Variants in BMPR1B observed in about 807,000 individuals in gnomAD.
The protein encoded by BMPR1B is bone morphogenetic protein receptor type 1B.
Under a neutral mutation model 59.1 loss-of-function variants are expected in BMPR1B, and 12 were observed. The observed-to-expected ratio is 0.20, with a 90% CI of 0.13 to 0.33. The LOEUF is 0.33. BMPR1B is among the 10% of genes least tolerant of loss of function. The probability of loss-of-function intolerance (pLI) is 1.00; values close to 1 mark genes in which losing one functional copy is unlikely to be tolerated. For missense variants in BMPR1B, 550 were observed against 610.9 expected (o/e 0.90, Z 1.05); for synonymous variants, 237 against 207.3 (o/e 1.14, Z -1.23).
intron 11 of BMPR1B, among the ~76,000 whole-genome samples, 153 bp from the exon 12 acceptor site, chr4:95,152,490 G>A (rs1472828127): frequency 6.6e-6 from 1 of 151,872 alleles, no homozygotes; most frequent in South Asian, 2.1e-4. Flanking sequence ...GTACCATTTG[G>A]GTAAATATTT....
chr4:95,070,317 A>G (rs1213977806), intron 3 of BMPR1B, among the ~76,000 whole-genome samples: 3 of 152,102 alleles, frequency 2.0e-5, no homozygotes, highest in African/African-American at 7.2e-5. Context: ...GAAGATTAAA[A>G]TGATTGAGTT....
intron 2 of BMPR1B, among the ~76,000 whole-genome samples, chr4:94,970,879 A>G (rs1382224030): frequency 6.6e-6 from 1 of 152,006 alleles, no homozygotes; most frequent in South Asian, 2.1e-4. Flanking sequence ...TATTTTTTTT[A>G]TAGCCCTTTA....
intron 1 of BMPR1B, among the ~76,000 whole-genome samples, chr4:94,863,373 T>C (rs1726077913): frequency 6.6e-6 from 1 of 152,212 alleles, no homozygotes; most frequent in African/African-American, 2.4e-5. Context: ...ATAGTGCTTC[T>C]GGCCATTTCA....
intron 2 of BMPR1B, among the ~76,000 whole-genome samples, chr4:94,955,892 G>A (rs1730124658): frequency 6.6e-6 from 1 of 152,100 alleles, no homozygotes; most frequent in African/African-American, 2.4e-5. Flanking sequence ...GCCTCCCAAA[G>A]TGCTGGGATT....
At chr4:94,920,131 AAAAG>A (rs1728634146) in intron 2 of BMPR1B, among the ~76,000 whole-genome samples, 1 of 152,198 alleles carries the variant, frequency 6.6e-6, no homozygotes, top group South Asian at 2.1e-4. Context: ...TATTGAATAA[AAAAG>A]AAAAGGGATG....
At chr4:95,080,157 TACTC>T (rs761664047) in intron 3 of BMPR1B, among the ~76,000 whole-genome samples, 2 of 152,258 alleles carry the variant, frequency 1.3e-5, no homozygotes, top group Admixed American at 6.5e-5. Context: ...TCATCTCTTA[TACTC>T]ACTCCGTTCT....
At chr4:95,043,712 G>A (rs967045964) in intron 3 of BMPR1B, among the ~76,000 whole-genome samples, 4 of 150,496 alleles carry the variant, frequency 2.7e-5, no homozygotes, top group Admixed American at 6.6e-5. Flanking sequence ...AGTATGGAGT[G>A]TTGCAATATT....
intron 1 of BMPR1B, among the ~76,000 whole-genome samples, chr4:94,810,727 G>A (rs746219884): frequency 6.6e-6 from 1 of 152,202 alleles, no homozygotes; most frequent in Non-Finnish European, 1.5e-5. Context: ...TGAAGCCAGA[G>A]AAGAAATAAG....
intron 2 of BMPR1B, among the ~76,000 whole-genome samples, chr4:94,951,066 G>A (rs921985700): frequency 3.3e-5 from 5 of 152,106 alleles, no homozygotes; most frequent in African/African-American, 1.2e-4. Context: ...GTTTGCCCAT[G>A]ATTTGGCTCT....
Position 95,071,715 on chromosome 4 carries a change from C to A in BMPR1B, c.-17-32693C>A, listed in dbSNP as rs577432858. ...TATTGCTGACAATGAAATTACAGTT[C>A]TTGCTTTCTTGAATGGAAGAAATCA... On this transcript the variant is annotated intron_variant, in intron 3 of 12. Coordinates refer to ENST00000515059, the MANE Select transcript of BMPR1B (RefSeq NM_001203.3). Among the ~76,000 whole-genome samples, 7 of 143,546 alleles carry A rather than the reference C, an allele frequency of 4.9e-5. No individual in the cohort carries two copies. The South Asian group carries it at 1.5e-3, about 31-fold the overall frequency. 94.2% of individuals were successfully genotyped at this position (143,546 alleles called of 152,430 possible). A position where few individuals can be genotyped will look rare whatever the true frequency, so the allele number is the denominator to read the frequency against.
At chr4:95,130,192 A>C in intron 9 of BMPR1B, 138 bp downstream of exon 9, 1 of 1,029,718 alleles carries the variant, frequency 9.7e-7, no homozygotes, top group Non-Finnish European at 1.5e-6. Flanking sequence ...GGGCCCAAGA[A>C]CATCATAAGT....
At chr4:95,028,197 T>C (rs1437751863) in intron 3 of BMPR1B, among the ~76,000 whole-genome samples, 1 of 152,188 alleles carries the variant, frequency 6.6e-6, no homozygotes, top group Non-Finnish European at 1.5e-5. Context: ...CCAACACCTT[T>C]TTCTATTAAT....
intron 2 of BMPR1B, among the ~76,000 whole-genome samples, chr4:94,904,813 C>T (rs1401738714): frequency 1.3e-5 from 2 of 151,908 alleles, no homozygotes; most frequent in East Asian, 1.9e-4. Flanking sequence ...TAGTAAATGT[C>T]GAGAAAAACG....
chr4:95,107,488 C>A (rs1252955031), intron 4 of BMPR1B, among the ~76,000 whole-genome samples: 2 of 151,954 alleles, frequency 1.3e-5, no homozygotes, highest in Non-Finnish European at 2.9e-5. Context: ...AAAATGGAAT[C>A]CCTCAAAAGA....
intron 11 of BMPR1B, among the ~76,000 whole-genome samples, chr4:95,149,372 C>T (rs1163295283): frequency 1.3e-5 from 2 of 152,084 alleles, no homozygotes; most frequent in African/African-American, 2.4e-5. Flanking sequence ...CATTTCTTAC[C>T]TGCTGTATTT....
rs114053662 is a variant in BMPR1B at position 95,142,198 on chromosome 4, C to T, written c.1077-6550C>T. Reference sequence around the variant, plus strand: ...AACTCCCCTTATTGGTGAACATCTGCCAGGCAGAGTTCAATTCTGCAAGTC... The same window carrying T: ...AACTCCCCTTATTGGTGAACATCTGTCAGGCAGAGTTCAATTCTGCAAGTC... On this transcript the variant is annotated intron_variant, in intron 10 of 12. Transcript: ENST00000515059. Among the ~76,000 whole-genome samples the T allele has an allele frequency of 2.6e-3, 403 of 152,280 alleles. 2 individuals carry two copies. The highest frequency in any genetic ancestry group is 8.4e-3 in the African/African-American group (349 of 41,550).
intron 1 of BMPR1B, among the ~76,000 whole-genome samples, chr4:94,844,667 T>C (rs530359356): frequency 2.3e-5 from 2 of 88,790 alleles, no homozygotes; most frequent in Admixed American, 9.0e-5. Flanking sequence ...TCTGCCTGAC[T>C]TCCCCCCGCT....
chr4:95,051,675 G>A (rs968402587), intron 3 of BMPR1B: 6 of 1,534,384 alleles, frequency 3.9e-6, no homozygotes, highest in African/African-American at 1.4e-5. Context: ...AACAGGCAGG[G>A]CACATTGACT....
chr4:94,970,667 A>G lies in BMPR1B; in HGVS notation c.-112-25373A>G, dbSNP rs537098787. ...TTTTTAATTTTTATGGGTACATAAA[A>G]GTTGTACATATTTATGGGGTATATG... is the stretch of plus-strand genomic sequence containing the variant. On this transcript the variant is annotated intron_variant, in intron 2 of 12. Coordinates refer to ENST00000515059, the MANE Select transcript of BMPR1B (RefSeq NM_001203.3). 1.3e-4 allele frequency among the ~76,000 whole-genome samples: 20 copies of G among 152,292 alleles called. 1 individual carries two copies. In the South Asian group the frequency reaches 4.1e-3, roughly 32 times the overall value.
Sources: allele counts gnomAD v4.1 joint callset (sites outside exome capture counted in the v4.1 genomes callset), GRCh38; gene constraint gnomAD v4.1.1; transcripts MANE v1.5; gene names NCBI Gene and HGNC (gene_info 2026-07-23, HGNC 2026-07-21).